C10orf90: variants seen among roughly 807,000 people sequenced by gnomAD.
The protein encoded by C10orf90 is (E2-independent) E3 ubiquitin-conjugating enzyme FATS.
Under a neutral mutation model 62.5 loss-of-function variants are expected in C10orf90, and 56 were observed. That is an observed-to-expected ratio of 0.90 (90% CI 0.72 to 1.12). The LOEUF is 1.12. Ranked by LOEUF, C10orf90 falls within the 50% of genes most tolerant of loss-of-function variation. C10orf90 has a pLI of 0.00. For missense variants in C10orf90, 970 were observed against 880.4 expected, an observed-to-expected ratio of 1.10 and a Z score of -1.29; for synonymous variants, 386 against 340.4, an observed-to-expected ratio of 1.13 and a Z score of -1.47.
intron 2 of C10orf90, among the ~76,000 whole-genome samples, chr10:126,516,353 A>C (rs1028752253): frequency 6.6e-6 from 1 of 152,072 alleles, no homozygotes; most frequent in African/African-American, 2.4e-5. Context: ...CCTCCCCAAG[A>C]CCCAGCTGGT....
intron 2 of C10orf90, among the ~76,000 whole-genome samples, chr10:126,584,842 A>ATG (rs370759448): frequency 7.1e-4 from 107 of 151,250 alleles, no homozygotes; most frequent in Admixed American, 1.2e-3. Flanking sequence ...ACACTATATG[A>ATG]TGTGTGTGTG....
chr10:126,597,216 A>G (rs1280490950), intron 2 of C10orf90, among the ~76,000 whole-genome samples: 1 of 152,254 alleles, frequency 6.6e-6, no homozygotes, highest in Non-Finnish European at 1.5e-5. Context: ...CTACCCAAAA[A>G]GAAATGAAAG....
At chr10:126,583,892 G>T (rs1022248425) in intron 2 of C10orf90, among the ~76,000 whole-genome samples, 1 of 152,130 alleles carries the variant, frequency 6.6e-6, no homozygotes, top group Non-Finnish European at 1.5e-5. Flanking sequence ...GTGGTGGGAG[G>T]GTTGCTTGAG....
intron 5 of C10orf90, among the ~76,000 whole-genome samples, chr10:126,464,110 C>T (rs1361469284): frequency 6.6e-6 from 1 of 152,108 alleles, no homozygotes; most frequent in Non-Finnish European, 1.5e-5. Flanking sequence ...TTCTTGTGTC[C>T]TTTCTATAAC....
At chr10:126,594,390 G>T (rs1419953713) in intron 2 of C10orf90, among the ~76,000 whole-genome samples, 6 of 152,144 alleles carry the variant, frequency 3.9e-5, no homozygotes, top group African/African-American at 1.4e-4. Context: ...TCTCTGGGGA[G>T]GGAGTTTGGA....
intron 2 of C10orf90, among the ~76,000 whole-genome samples, chr10:126,541,344 A>G (rs554649982): frequency 2.6e-5 from 4 of 152,200 alleles, no homozygotes; most frequent in Admixed American, 6.5e-5. Flanking sequence ...ATTTTAAAAA[A>G]CATTTAAAGA....
intron 2 of C10orf90, among the ~76,000 whole-genome samples, chr10:126,636,899 T>C (rs1845962593): frequency 1.3e-5 from 2 of 152,110 alleles, no homozygotes; most frequent in East Asian, 1.9e-4. Context: ...CCACAAGAGT[T>C]TGGGAACATG....
Position 126,425,507 on chromosome 10 carries a change from G to A in C10orf90, c.*357C>T, listed in dbSNP as rs1185495653. The A allele has an allele frequency of 1.7e-5, 5 of 286,146 alleles. No homozygotes were observed. Among genetic ancestry groups the A allele is most frequent in the Non-Finnish European group, 3.2e-5 (5 of 155,022 alleles). 17.7% of individuals were successfully genotyped at this position (286,146 alleles called of 1,614,324 possible). A position where few individuals can be genotyped will look rare whatever the true frequency, so the allele number is the denominator to read the frequency against. The stretch of plus-strand genomic sequence containing the variant: ...AAAGTTTGATGTAAAAGATTCCCCA[G>A]GGATGTAAACAAACTTGCTTGTATC... On this transcript the variant is annotated 3_prime_UTR_variant, in exon 10 of 10. Transcript: ENST00000488181.
At chr10:126,435,526 C>T (rs969053838) in intron 7 of C10orf90, among the ~76,000 whole-genome samples, 1 of 152,080 alleles carries the variant, frequency 6.6e-6, no homozygotes, top group Non-Finnish European at 1.5e-5. Context: ...GTGAAGAGAA[C>T]GCCCCACCAT....
intron 4 of C10orf90, among the ~76,000 whole-genome samples, chr10:126,479,050 G>C (rs796961324): frequency 5.9e-5 from 9 of 152,246 alleles, no homozygotes; most frequent in African/African-American, 1.9e-4. Flanking sequence ...ACTAGGGTGG[G>C]GAATGGGGCT....
chr10:126,511,575 T>C (rs1225666185), intron 3 of C10orf90, among the ~76,000 whole-genome samples: 1 of 152,122 alleles, frequency 6.6e-6, no homozygotes, highest in Admixed American at 6.5e-5. Context: ...TGTTTTTTTT[T>C]TTAAAGGTGG....
In C10orf90 at chr10:126,504,744, G is replaced by A. The variant is rs1359017743; in HGVS notation, c.747C>T (p.Arg249=). The A allele has an allele frequency of 1.3e-6, 2 of 1,594,712 alleles. No homozygotes were observed. Among genetic ancestry groups the A allele is most frequent in the South Asian group, 2.3e-5 (2 of 88,260 alleles). The part of the protein sequence containing the change: ...ITARRVGPPA[R]ALVWGTAGDS... ...CCCCAGCAGTCCCCCACACCAGGGC[G>A]CGGGCTGGGGGGCCCACGCGTCTGG... is the stretch of plus-strand genomic sequence containing the variant. The change falls in exon 4 of 10, where the codon CGC becomes CGT. Residue 249 remains arginine, a synonymous_variant. Coordinates refer to ENST00000488181, the MANE Select transcript of C10orf90 (RefSeq NM_001350921.2). The surrounding 1 kb of genome is among the most constrained non-coding windows in gnomAD (Gnocchi z 4.1).
intron 4 of C10orf90, among the ~76,000 whole-genome samples, chr10:126,467,694 A>G (rs1249581164): frequency 6.6e-6 from 1 of 152,196 alleles, no homozygotes; most frequent in Non-Finnish European, 1.5e-5. Context: ...ACATTGGTTG[A>G]CATGCCGTAG....
At chr10:126,572,122 T>C (rs1373102754) in intron 2 of C10orf90, among the ~76,000 whole-genome samples, 2 of 152,116 alleles carry the variant, frequency 1.3e-5, no homozygotes, top group Admixed American at 1.3e-4. Context: ...AAAGCATTCT[T>C]AGTCACAGGA....
rs149708728 is a variant in C10orf90, at chr10:126,430,215, C to T, written c.2189-365G>A. Among the ~76,000 whole-genome samples the T allele has an allele frequency of 3.3e-4, 51 of 152,280 alleles. No homozygotes were observed. In the East Asian group the frequency reaches 9.9e-3, roughly 30 times the overall value. ...AAATCCCTACACTAGGTCTGTGAGGCCTCTAAGGACAAGGAAATCCCCCAC... is the reference window on the plus strand; with the variant it reads ...AAATCCCTACACTAGGTCTGTGAGGTCTCTAAGGACAAGGAAATCCCCCAC... On this transcript the variant is annotated intron_variant, in intron 7 of 9. Coordinates refer to ENST00000488181, the MANE Select transcript of C10orf90 (RefSeq NM_001350921.2).
At chr10:126,618,472 G>A (rs1389975250) in intron 2 of C10orf90, among the ~76,000 whole-genome samples, 2 of 152,046 alleles carry the variant, frequency 1.3e-5, no homozygotes, top group African/African-American at 4.8e-5. Context: ...CTTTCTGCCT[G>A]GCCAAACTCT....
chr10:126,629,091 A>T (rs983195323), intron 2 of C10orf90, among the ~76,000 whole-genome samples: 1 of 152,214 alleles, frequency 6.6e-6, no homozygotes, highest in South Asian at 2.1e-4. Context: ...CCAGACAATT[A>T]CATCCTCATC....
At position 126,638,748 on chromosome 10, in the gene C10orf90, C is replaced by G. The variant is rs780074113; in HGVS notation, c.313+7817G>C. 2.0e-5 allele frequency among the ~76,000 whole-genome samples: 3 copies of G among 152,196 alleles called. No individual in the cohort carries two copies. The East Asian group carries it at 5.8e-4, about 29-fold the overall frequency. On this transcript the variant is annotated intron_variant, in intron 2 of 9. Coordinates refer to ENST00000488181, the MANE Select transcript of C10orf90 (RefSeq NM_001350921.2). The stretch of plus-strand genomic sequence containing the variant: ...ATGGGATCACAGGAAACCAAAGTCA[C>G]CCCGCCCTCTTTTTACTACAAAGCC...
Position 126,576,668 on chromosome 10 carries a change from T to C in C10orf90, c.314-62729A>G, listed in dbSNP as rs1317555975. Among the ~76,000 whole-genome samples, 2 of 53,444 alleles carry C rather than the reference T, an allele frequency of 3.7e-5. 1 individual carries two copies. Among genetic ancestry groups the C allele is most frequent in the African/African-American group, 1.8e-4 (2 of 11,310 alleles). 35.1% of individuals were successfully genotyped at this position (53,444 alleles called of 152,430 possible). A position where few individuals can be genotyped will look rare whatever the true frequency, so the allele number is the denominator to read the frequency against. On this transcript the variant is annotated intron_variant, in intron 2 of 9. Transcript: ENST00000488181. ...ACCACAGCCAAGATATGTATACATA[T>C]ATATGTATACATATACATATACATG...
Sources: gnomAD v4.1 joint callset for allele counts (sites outside exome capture counted in the v4.1 genomes callset) on GRCh38, gnomAD v4.1.1 for gene constraint, Gnocchi (gnomAD v3.1) non-coding constraint, MANE v1.5 for transcripts, NCBI Gene and HGNC (gene_info 2026-07-23, HGNC 2026-07-21) for gene names.